The following ZBBX variants were observed in gnomAD, a reference collection of about 807,000 sequenced individuals.
ZBBX encodes the protein zinc finger B-box domain containing.
A neutral mutation model predicts 108.5 loss-of-function variants in ZBBX; 101 were observed. The ratio of observed to expected loss-of-function variants is 0.93; its 90% CI spans 0.79 to 1.10. The LOEUF is 1.10. Among genes scored for constraint, ZBBX ranks in the 50% least tolerant of loss-of-function variants. The probability of loss-of-function intolerance (pLI) is 0.00; values close to 1 mark genes in which losing one functional copy is unlikely to be tolerated. For missense variants in ZBBX, 1,009 were observed against 941.4 expected (o/e 1.07, Z -0.94); for synonymous variants, 356 against 323.4 (o/e 1.10, Z -1.08).
intron 5 of ZBBX, among the ~76,000 whole-genome samples, chr3:167,367,977 TATATATATATAC>T (rs200281159): frequency 7.5e-3 from 152 of 20,332 alleles, no homozygotes; most frequent in African/African-American, 0.013. Context: ...TGTATATATA[TATATATATATAC>T]ATATATATAT....
At chr3:167,246,536 T>G (rs1384602525) in intron 20 of ZBBX, among the ~76,000 whole-genome samples, 2 of 152,246 alleles carry the variant, frequency 1.3e-5, no homozygotes, top group East Asian at 3.8e-4. Flanking sequence ...TTCATCTCTT[T>G]TACTTGGGTC....
At chr3:167,319,810 A>G (rs1736115144) in intron 12 of ZBBX, among the ~76,000 whole-genome samples, 1 of 152,036 alleles carries the variant, frequency 6.6e-6, no homozygotes, top group Admixed American at 6.6e-5. Flanking sequence ...TAATTAATAA[A>G]TATATTATAG....
intron 10 of ZBBX, among the ~76,000 whole-genome samples, chr3:167,330,969 C>T (rs1325649273): frequency 6.7e-6 from 1 of 150,096 alleles, no homozygotes; most frequent in Non-Finnish European, 1.5e-5. Context: ...CTCTCTCCCC[C>T]ACTCCCCTTC....
chr3:167,238,923 T>A (rs1003287959), downstream of ZBBX, among the ~76,000 whole-genome samples: 2 of 152,138 alleles, frequency 1.3e-5, no homozygotes, highest in Non-Finnish European at 2.9e-5. Context: ...TGTATTGGGT[T>A]CTCCAGAGAA....
intron 17 of ZBBX, among the ~76,000 whole-genome samples, chr3:167,299,043 G>T (rs1732165074): frequency 6.6e-6 from 1 of 151,972 alleles, no homozygotes; most frequent in South Asian, 2.1e-4. Flanking sequence ...TTGAAACCTA[G>T]ACTTATCCTG....
At chr3:167,218,520 CTTGT>C in the ZBBX span, among the ~76,000 whole-genome samples, 45 of 152,048 alleles carry the variant, frequency 3.0e-4, no homozygotes, top group South Asian at 4.6e-3. Flanking sequence ...TTTCTTTTTG[CTTGT>C]TTGTTTACGC....
At chr3:167,196,367 C>T in the ZBBX span, among the ~76,000 whole-genome samples, 1 of 152,134 alleles carries the variant, frequency 6.6e-6, no homozygotes, top group South Asian at 2.1e-4. Context: ...AGTCTAATCA[C>T]CTTACAAAAA....
At chr3:167,290,144 T>C (rs778651091) in intron 18 of ZBBX, among the ~76,000 whole-genome samples, 56 of 152,088 alleles carry the variant, frequency 3.7e-4, no homozygotes, top group Admixed American at 5.9e-4. Flanking sequence ...TAGGTGCAGC[T>C]TCAGCAGACT....
At chr3:167,202,779 C>G in the ZBBX span, among the ~76,000 whole-genome samples, 1 of 152,110 alleles carries the variant, frequency 6.6e-6, no homozygotes, top group East Asian at 1.9e-4. Flanking sequence ...TGTTTTACCA[C>G]TCTTGGTAGA....
chr3:167,208,457 C>T, the ZBBX span, among the ~76,000 whole-genome samples: 1 of 152,180 alleles, frequency 6.6e-6, no homozygotes, highest in Non-Finnish European at 1.5e-5. Flanking sequence ...CTTTGTTTTG[C>T]AACTAGGATA....
chr3:167,191,713 T>C, the ZBBX span, among the ~76,000 whole-genome samples: 2,033 of 151,968 alleles, frequency 0.013, 24 homozygotes, highest in South Asian at 0.026. Context: ...CTCTGGTATG[T>C]CTTTATCAGC....
At chr3:167,266,310 A>G (rs1200877629) in intron 20 of ZBBX, among the ~76,000 whole-genome samples, 1 of 152,244 alleles carries the variant, frequency 6.6e-6, no homozygotes, top group African/African-American at 2.4e-5. Flanking sequence ...TTTGTAAGAT[A>G]CAATGAATCT....
chr3:167,348,776 A>G (rs946117892), intron 9 of ZBBX, among the ~76,000 whole-genome samples: 2 of 152,038 alleles, frequency 1.3e-5, no homozygotes, highest in African/African-American at 4.8e-5. Flanking sequence ...TTCGGTAGAT[A>G]TTTTCTCACT....
chr3:167,189,184 C>T, the ZBBX span, among the ~76,000 whole-genome samples: 1 of 152,022 alleles, frequency 6.6e-6, no homozygotes, highest in Non-Finnish European at 1.5e-5. Context: ...GACAAAGTAC[C>T]TGTCCGCTAT....
At chr3:167,215,200 C>T in the ZBBX span, among the ~76,000 whole-genome samples, 2,035 of 151,616 alleles carry the variant, frequency 0.013, 21 homozygotes, top group South Asian at 0.027. Context: ...CCAGGAACTG[C>T]TTTTTTTTAA....
chr3:167,282,254 C>T lies in ZBBX; in HGVS notation c.2238G>A (p.Val746=), dbSNP rs1242125032. ...TAGGATTACCTGCAAGAGATCTCAG[C>T]ACTTGTAATTCTTTTTCCAAATTGT... ...TLDNLEKELQ[V]LRSLADTSEK... Residue 746 remains valine (V), a synonymous_variant, in exon 20 of 22, where the codon GTG becomes GTA. Coordinates refer to ENST00000675490, the MANE Select transcript of ZBBX (RefSeq NM_001199201.2). 6.2e-7 allele frequency: 1 copy of T among 1,610,820 alleles called. No individual in the cohort carries two copies. The highest frequency in any genetic ancestry group is 8.5e-7 in the Non-Finnish European group (1 of 1,178,816).
chr3:167,232,808 A>T, the ZBBX span, among the ~76,000 whole-genome samples: 7 of 151,700 alleles, frequency 4.6e-5, no homozygotes, highest in African/African-American at 7.3e-5. Flanking sequence ...TTTGAGGAGA[A>T]AGTGAGAATT....
At chr3:167,268,673 C>T (rs757256933) in intron 20 of ZBBX, among the ~76,000 whole-genome samples, 1 of 152,094 alleles carries the variant, frequency 6.6e-6, no homozygotes, top group Non-Finnish European at 1.5e-5. Flanking sequence ...GTTAAAACTC[C>T]ACTTTGTCAC....
intron 18 of ZBBX, among the ~76,000 whole-genome samples, chr3:167,291,670 G>C (rs1459623498): frequency 1.3e-5 from 2 of 152,050 alleles, no homozygotes; most frequent in Non-Finnish European, 2.9e-5. Context: ...TAAACAGCTA[G>C]CATCATAATG....
Sources: gnomAD v4.1 joint callset for allele counts (sites outside exome capture counted in the v4.1 genomes callset) on GRCh38, gnomAD v4.1.1 for gene constraint, MANE v1.5 for transcripts, NCBI Gene and HGNC (gene_info 2026-07-23, HGNC 2026-07-21) for gene names.